RALGAPA2: variants seen among roughly 807,000 people sequenced by gnomAD.
RALGAPA2 encodes Ral GTPase activating protein catalytic subunit alpha 2.
A neutral mutation model predicts 230.4 loss-of-function variants in RALGAPA2; 139 were observed. That is an observed-to-expected ratio of 0.60 (90% CI 0.53 to 0.69). The LOEUF (loss-of-function observed/expected upper bound fraction) is 0.69, where lower values mean the gene tolerates loss of function less well. Ranked by LOEUF, RALGAPA2 falls within the 30% of genes least tolerant of loss-of-function variation. RALGAPA2 has a pLI of 0.00. For synonymous variants in RALGAPA2, 847 were observed against 837.8 expected, an observed-to-expected ratio of 1.01 and a Z score of -0.19; for missense variants, 2,163 against 2,276.0, an observed-to-expected ratio of 0.95 and a Z score of 1.01.
At chr20:20,394,510 C>T (rs1039852262) in intron 39 of RALGAPA2, among the ~76,000 whole-genome samples, 4 of 152,198 alleles carry the variant, frequency 2.6e-5, no homozygotes, top group African/African-American at 7.2e-5. Context: ...CATGGTGGTG[C>T]GCACCTGTAG....
At chr20:20,571,373 T>C in intron 23 of RALGAPA2, 85 bp downstream of exon 23, 1 of 1,372,392 alleles carries the variant, frequency 7.3e-7, no homozygotes, top group Non-Finnish European at 9.9e-7. Context: ...TTCTGATGTA[T>C]TTTCATAAAT....
intron 1 of RALGAPA2, among the ~76,000 whole-genome samples, chr20:20,697,045 T>C (rs2069140491): frequency 1.3e-5 from 2 of 152,124 alleles, no homozygotes; most frequent in Non-Finnish European, 2.9e-5. Context: ...CTGTTATTTA[T>C]TGTCCATCCA....
intron 18 of RALGAPA2, among the ~76,000 whole-genome samples, chr20:20,587,504 A>G (rs1009257254): frequency 3.3e-5 from 5 of 152,144 alleles, no homozygotes; most frequent in Admixed American, 3.3e-4. Flanking sequence ...ACCTCACTCC[A>G]TAAACAGGAA....
At chr20:20,585,847 T>G (rs2065118791) in intron 18 of RALGAPA2, among the ~76,000 whole-genome samples, 2 of 151,662 alleles carry the variant, frequency 1.3e-5, no homozygotes, top group African/African-American at 2.4e-5. Flanking sequence ...TAGGTTCAAG[T>G]GGGGAACAAG....
At chr20:20,418,002 C>T (rs996319172) in intron 37 of RALGAPA2, among the ~76,000 whole-genome samples, 1 of 152,134 alleles carries the variant, frequency 6.6e-6, no homozygotes, top group Non-Finnish European at 1.5e-5. Flanking sequence ...GAAACCAAAA[C>T]ATGAACCACA....
intron 38 of RALGAPA2, among the ~76,000 whole-genome samples, chr20:20,399,181 C>G (rs527811756): frequency 6.6e-6 from 1 of 152,008 alleles, no homozygotes; most frequent in Non-Finnish European, 1.5e-5. Context: ...CCTGTCTCTA[C>G]TAAAAATACC....
At chr20:20,455,592 G>A (rs1358870166) in intron 37 of RALGAPA2, among the ~76,000 whole-genome samples, 1 of 152,212 alleles carries the variant, frequency 6.6e-6, no homozygotes, top group African/African-American at 2.4e-5. Flanking sequence ...GGACTGCCAA[G>A]GGTCATGTTA....
At chr20:20,411,776 A>C (rs547516533) in intron 38 of RALGAPA2, among the ~76,000 whole-genome samples, 1 of 152,370 alleles carries the variant, frequency 6.6e-6, no homozygotes, top group Non-Finnish European at 1.5e-5. Flanking sequence ...GGAGCACATT[A>C]CTGAGAAAAA....
chr20:20,672,636 T>C (rs2068175287), intron 3 of RALGAPA2, among the ~76,000 whole-genome samples: 1 of 151,878 alleles, frequency 6.6e-6, no homozygotes, highest in South Asian at 2.1e-4. Flanking sequence ...CACAAACAGA[T>C]TGCGGGAGGA....
chr20:20,446,114 A>G (rs2060855585), intron 37 of RALGAPA2, among the ~76,000 whole-genome samples: 1 of 151,886 alleles, frequency 6.6e-6, no homozygotes, highest in African/African-American at 2.4e-5. Context: ...TTACTTGAGC[A>G]TATGTTCTTC....
At chr20:20,461,760 C>T (rs767684243) in intron 37 of RALGAPA2, among the ~76,000 whole-genome samples, 1 of 152,232 alleles carries the variant, frequency 6.6e-6, no homozygotes, top group Non-Finnish European at 1.5e-5. Flanking sequence ...ATCCCATCAG[C>T]CAGCAAGCCT....
At chr20:20,447,259 C>T (rs6035629) in intron 37 of RALGAPA2, among the ~76,000 whole-genome samples, 11,542 of 152,184 alleles carry the variant, frequency 0.076, 705 homozygotes, top group East Asian at 0.16. Context: ...GGCAAAGATG[C>T]ATTTCATTTG....
intron 33 of RALGAPA2, among the ~76,000 whole-genome samples, chr20:20,507,699 T>C (rs143244169): frequency 1.2e-4 from 19 of 152,246 alleles, no homozygotes; most frequent in Admixed American, 2.0e-4. Flanking sequence ...AGAAAACTTG[T>C]CCTCATGCAG....
At chr20:20,448,227 TATC>T (rs1275413378) in intron 37 of RALGAPA2, among the ~76,000 whole-genome samples, 1 of 152,246 alleles carries the variant, frequency 6.6e-6, no homozygotes, top group East Asian at 1.9e-4. Context: ...TGTAGAACTC[TATC>T]ATATTTCAAG....
intron 23 of RALGAPA2, among the ~76,000 whole-genome samples, chr20:20,569,609 C>T (rs2064558551): frequency 6.6e-6 from 1 of 152,030 alleles, no homozygotes; most frequent in South Asian, 2.1e-4. Flanking sequence ...ATTCTTTTGT[C>T]TATACTATAA....
At chr20:20,702,853 T>A (rs2069442434) in intron 1 of RALGAPA2, among the ~76,000 whole-genome samples, 1 of 152,186 alleles carries the variant, frequency 6.6e-6, no homozygotes. Flanking sequence ...TTTTTTAACT[T>A]AACCATAATT....
chr20:20,619,238 G>T, intron 12 of RALGAPA2, 39 bp downstream of exon 12: 7 of 1,542,780 alleles, frequency 4.5e-6, no homozygotes, highest in Non-Finnish European at 6.1e-6. Context: ...TCCAGCTGTA[G>T]GCGGTGGAGG....
chr20:20,709,464 G>A (rs967207544), intron 1 of RALGAPA2, among the ~76,000 whole-genome samples: 11 of 152,160 alleles, frequency 7.2e-5, no homozygotes, highest in African/African-American at 1.4e-4. Flanking sequence ...GTACTCCAAC[G>A]TGGACAACAG....
chr20:20,528,192 A>T (rs1158129910), intron 27 of RALGAPA2, among the ~76,000 whole-genome samples: 1 of 152,122 alleles, frequency 6.6e-6, no homozygotes, highest in African/African-American at 2.4e-5. Context: ...GTAATGAAGG[A>T]GGTGGGGAAT....
Sources: allele counts gnomAD v4.1 joint callset (sites outside exome capture counted in the v4.1 genomes callset), GRCh38; gene constraint gnomAD v4.1.1; transcripts MANE v1.5; gene names NCBI Gene and HGNC (gene_info 2026-07-23, HGNC 2026-07-21).